The following ANXA3 variants were observed in gnomAD, a reference collection of about 807,000 sequenced individuals.
ANXA3 encodes annexin A3, also known as 35-alpha calcimedin.
ANXA3 carries 46 observed loss-of-function variants against 48.8 expected under a neutral mutation model. The ratio of observed to expected loss-of-function variants is 0.94; its 90% confidence interval spans 0.74 to 1.21. The LOEUF is 1.21. Ranked by LOEUF, ANXA3 falls within the 50% of genes most tolerant of loss-of-function variation. The probability of loss-of-function intolerance (pLI) is 0.00; values close to 1 mark genes in which losing one functional copy is unlikely to be tolerated. For synonymous variants in ANXA3, 128 were observed against 134.7 expected (o/e 0.95, Z 0.35); for missense variants, 383 against 378.6 (o/e 1.01, Z -0.10).
rs1305626412 is a variant in ANXA3, at chr4:78,573,188, C to G, written c.24C>G (p.His8Gln). ...CAAGTATTTCCTTCTAGGTTGGACA[C>G]CGAGGAACAGTAAGAGATTATCCAG... MASIWVG[H>Q]RGTVRDYPDF... is the part of the protein sequence containing the mutation. The change falls in exon 3 of 13, where the codon CAC (histidine) becomes CAG (glutamine). Residue 8 changes from histidine (H) to glutamine (Q), a missense_variant. By Grantham distance (24) the His-to-Gln change is conservative. Transcript: ENST00000264908. 13 of 1,612,072 alleles carry G rather than the reference C, an allele frequency of 8.1e-6. No homozygotes were observed. In the East Asian group the frequency reaches 2.9e-4, roughly 36 times the overall value.
At chr4:78,573,093 C>T in intron 2 of ANXA3, 87 bp from the exon 3 acceptor site, 1 of 980,782 alleles carries the variant, frequency 1.0e-6, no homozygotes. Context: ...TTGTCATATG[C>T]CTCTCATATG....
intron 2 of ANXA3, among the ~76,000 whole-genome samples, chr4:78,559,398 T>A (rs890401531): frequency 4.6e-5 from 7 of 152,166 alleles, no homozygotes; most frequent in Non-Finnish European, 8.8e-5. Flanking sequence ...AAAATTTTTT[T>A]AAATTAACTC....
At chr4:78,588,194 C>T (rs376692127) in intron 6 of ANXA3, among the ~76,000 whole-genome samples, 11 of 152,120 alleles carry the variant, frequency 7.2e-5, no homozygotes, top group African/African-American at 2.6e-4. Flanking sequence ...GAGTTTAAGA[C>T]CAGCCCAGGC....
intron 6 of ANXA3, among the ~76,000 whole-genome samples, chr4:78,587,890 G>A (rs774182861): frequency 1.3e-5 from 2 of 152,008 alleles, no homozygotes; most frequent in African/African-American, 2.4e-5. Context: ...TCAGGAGTTC[G>A]AGACCAGCCT....
chr4:78,562,604 A>G (rs536292082), intron 2 of ANXA3, among the ~76,000 whole-genome samples: 1 of 152,338 alleles, frequency 6.6e-6, no homozygotes, highest in Admixed American at 6.5e-5. Flanking sequence ...ATATTTACTA[A>G]CTATCTTTTA....
At chr4:78,595,335 T>A (rs1177083635) in intron 7 of ANXA3, 46 bp from the exon 8 acceptor site, 1 of 1,601,954 alleles carries the variant, frequency 6.2e-7, no homozygotes, top group South Asian at 1.1e-5. Context: ...TGTGTTAGAA[T>A]CTTCTATCTT....
At chr4:78,556,877 A>G (rs972861804) in intron 2 of ANXA3, among the ~76,000 whole-genome samples, 1 of 152,230 alleles carries the variant, frequency 6.6e-6, no homozygotes, top group African/African-American at 2.4e-5. Flanking sequence ...CTGAAGGGCT[A>G]GGAGAGACCC....
chr4:78,580,629 C>A (rs1049932717), intron 4 of ANXA3, among the ~76,000 whole-genome samples: 11 of 152,186 alleles, frequency 7.2e-5, no homozygotes, highest in Non-Finnish European at 1.5e-4. Flanking sequence ...TTGAGAGGGT[C>A]TAGTGACCAT....
chr4:78,601,487 A>G (rs1723539617), intron 10 of ANXA3, 23 bp from the exon 11 acceptor site: 1 of 1,611,758 alleles, frequency 6.2e-7, no homozygotes, highest in Admixed American at 1.7e-5. Flanking sequence ...GTGAAGCTGA[A>G]CATTATTTGC....
At chr4:78,575,612 A>T (rs1377724866) in intron 3 of ANXA3, among the ~76,000 whole-genome samples, 6 of 152,212 alleles carry the variant, frequency 3.9e-5, no homozygotes, top group Admixed American at 2.0e-4. Context: ...TGGAACTGTG[A>T]GTTCTCCATT....
intron 2 of ANXA3, among the ~76,000 whole-genome samples, chr4:78,564,095 T>C (rs916771425): frequency 2.0e-5 from 3 of 152,226 alleles, no homozygotes; most frequent in Non-Finnish European, 4.4e-5. Flanking sequence ...TTTAAACAAA[T>C]ACATGAAAAT....
At chr4:78,568,560 C>A (rs1433387114) in intron 2 of ANXA3, among the ~76,000 whole-genome samples, 3 of 152,224 alleles carry the variant, frequency 2.0e-5, no homozygotes, top group African/African-American at 7.2e-5. Flanking sequence ...TATTCTTGCT[C>A]TGTAGCATTT....
At position 78,595,801 on chromosome 4, in the gene ANXA3, A is replaced by G. The variant is rs777116557; in HGVS notation, c.548A>G (p.Tyr183Cys). The G allele has an allele frequency of 1.0e-5, 16 of 1,599,410 alleles. No individual in the cohort carries two copies. Among genetic ancestry groups the G allele is most frequent in the African/African-American group, 2.7e-5 (2 of 74,606 alleles). ...HLAKQDAQIL[Y>C]KAGENRWGTD... The stretch of plus-strand genomic sequence containing the variant: ...TCATTCTCTTGTGAATAGATTCTCT[A>G]TAAAGCTGGTGAGAACAGATGGGGC... The change falls in exon 9 of 13, where the codon TAT (tyrosine) becomes TGT (cysteine). Residue 183 changes from tyrosine (Y) to cysteine (C), a missense_variant. Tyr to Cys is a radical substitution (Grantham distance 194). Transcript: ENST00000264908.
At chr4:78,567,093 A>C (rs2109929241) in intron 2 of ANXA3, among the ~76,000 whole-genome samples, 1 of 152,300 alleles carries the variant, frequency 6.6e-6, no homozygotes, top group African/African-American at 2.4e-5. Context: ...CACAGTGATC[A>C]TTGCCAGCCA....
At position 78,582,303 on chromosome 4, in the gene ANXA3, C is replaced by A. The variant is rs765128875; in HGVS notation, c.312+13C>A. On this transcript the variant is annotated intron_variant, in intron 5 of 12. Coordinates refer to ENST00000264908, the MANE Select transcript of ANXA3 (RefSeq NM_005139.3). ...GAAATCCATGAAGGTATGAGCCCCC[C>A]ACAAGCCATTTCTGCCCAGGGTTTG... The A allele has an allele frequency of 1.3e-6, 2 of 1,565,548 alleles. No homozygotes were observed. Among genetic ancestry groups the A allele is most frequent in the Non-Finnish European group, 1.8e-6 (2 of 1,137,052 alleles).
rs532241616 is a variant in ANXA3, at chr4:78,578,905, A to G, written c.104-122A>G. ...TAAATAAATAAAATTCCAACCAGAT[A>G]AGATGCTAGAAATTAAAATGCCTTA... On this transcript the variant is annotated intron_variant, in intron 3 of 12. Coordinates refer to ENST00000264908, the MANE Select transcript of ANXA3 (RefSeq NM_005139.3). 4 of 401,272 alleles carry G rather than the reference A, an allele frequency of 1.0e-5. No homozygotes were observed. In the South Asian group the frequency reaches 4.9e-4, roughly 49 times the overall value. The allele number at this position is 401,272 out of a possible 1,614,324, so 24.9% of individuals were successfully genotyped here.
chr4:78,563,518 GC>G (rs879474544), intron 2 of ANXA3, among the ~76,000 whole-genome samples: 89 of 69,154 alleles, frequency 1.3e-3, no homozygotes, highest in Middle Eastern at 7.9e-3. Flanking sequence ...GTCTGAGGGA[GC>G]TTGGTCACGT....
intron 11 of ANXA3, chr4:78,602,398 G>T (rs1723564047): frequency 6.6e-6 from 1 of 152,112 alleles, no homozygotes; most frequent in Non-Finnish European, 1.5e-5. Flanking sequence ...TATAGAGATA[G>T]GTACAGAGAA....
chr4:78,578,899 C>T (rs980908688), intron 3 of ANXA3, 128 bp from the exon 4 acceptor site: 6 of 372,214 alleles, frequency 1.6e-5, no homozygotes, highest in Non-Finnish European at 4.9e-6. Context: ...AAAATTCCAA[C>T]CAGATAAGAT....
Sources: gnomAD v4.1 joint callset for allele counts (sites outside exome capture counted in the v4.1 genomes callset) on GRCh38, gnomAD v4.1.1 for gene constraint, MANE v1.5 for transcripts, NCBI Gene and HGNC (gene_info 2026-07-23, HGNC 2026-07-21) for gene names.